DUOXA1: variants seen among roughly 807,000 people sequenced by gnomAD.
DUOXA1 encodes the protein dual oxidase activator 1.
DUOXA1 carries 19 observed loss-of-function variants against 26.6 expected under a neutral mutation model. The observed-to-expected ratio is 0.71, with a 90% CI of 0.50 to 1.05. The LOEUF (loss-of-function observed/expected upper bound fraction) is 1.05, where lower values mean the gene tolerates loss of function less well. Among genes scored for constraint, DUOXA1 ranks in the 50% least tolerant of loss-of-function variants. DUOXA1 has a pLI of 0.00. For missense variants in DUOXA1, 403 were observed against 427.5 expected (o/e 0.94, Z 0.51); for synonymous variants, 166 against 177.0 (o/e 0.94, Z 0.49).
chr15:45,119,067 C>A lies in DUOXA1; in HGVS notation c.*39G>T. On this transcript the variant is annotated 3_prime_UTR_variant, in exon 9 of 9. Coordinates refer to ENST00000560572, the MANE Select transcript of DUOXA1 (RefSeq NM_001276266.2). ...TATGGGGCGCCAATGAGGTTTGGAG[C>A]CAGACTGGAAGTCCAGGTGGCCTCC... The A allele has an allele frequency of 6.5e-7, 1 of 1,540,310 alleles. No individual in the cohort carries two copies. The highest frequency in any genetic ancestry group is 8.8e-7 in the Non-Finnish European group (1 of 1,136,944).
rs1486946764 is a variant in DUOXA1 at position 45,117,937 on chromosome 15, G to C, written c.*1169C>G. Reference sequence around the variant, plus strand: ...GGGACCCAATCTGGACTCCTTCCCCGCCTTGGGACATCGCAGGCCGGGAAG... The same window carrying C: ...GGGACCCAATCTGGACTCCTTCCCCCCCTTGGGACATCGCAGGCCGGGAAG... On this transcript the variant is annotated 3_prime_UTR_variant, in exon 9 of 9. Coordinates refer to ENST00000560572, the MANE Select transcript of DUOXA1 (RefSeq NM_001276266.2). The C allele has an allele frequency of 6.2e-7, 1 of 1,612,970 alleles. No individual in the cohort carries two copies. The highest frequency in any genetic ancestry group is 1.3e-5 in the African/African-American group (1 of 74,928).
rs1243157471 is a variant in DUOXA1, at chr15:45,120,318, A to G, written c.557T>C (p.Val186Ala). 5.6e-6 allele frequency: 9 copies of G among 1,613,812 alleles called. No homozygotes were observed. Among genetic ancestry groups the G allele is most frequent in the Non-Finnish European group, 7.6e-6 (9 of 1,179,994 alleles). The change falls in exon 8 of 9, where the codon GTG (valine) becomes GCG (alanine). Residue 186 changes from valine (V) to alanine (A), a missense_variant and splice_region_variant. Physicochemically the swap from Val to Ala is moderately conservative, Grantham distance 64 (BLOSUM62 0). Coordinates refer to ENST00000560572, the MANE Select transcript of DUOXA1 (RefSeq NM_001276266.2). ...AGHYTSAMLW[V>A]AFLCWLLANV... Reference sequence around the variant, plus strand: ...GGCCAGCAGCCAGCAGAGGAATGCCACCCTGGAGAGCCAGGACCCAGTGAG... The same window carrying G: ...GGCCAGCAGCCAGCAGAGGAATGCCGCCCTGGAGAGCCAGGACCCAGTGAG...
rs1894736372 is a variant in DUOXA1, at chr15:45,117,627, G to A, written c.*1479C>T. Reference sequence around the variant, plus strand: ...GCACTTTGGGAGGTCGAGGCAGGAAGGTCGTTTGAGGCCAGAGTTCGAGAC... The same window carrying A: ...GCACTTTGGGAGGTCGAGGCAGGAAAGTCGTTTGAGGCCAGAGTTCGAGAC... On this transcript the variant is annotated 3_prime_UTR_variant, in exon 9 of 9. Coordinates refer to ENST00000560572, the MANE Select transcript of DUOXA1 (RefSeq NM_001276266.2). 1.2e-6 allele frequency: 2 copies of A among 1,613,812 alleles called. No homozygotes were observed. Among genetic ancestry groups the A allele is most frequent in the Non-Finnish European group, 8.5e-7 (1 of 1,179,868 alleles).
intron 3 of DUOXA1, among the ~76,000 whole-genome samples, chr15:45,126,831 C>A (rs951013636): frequency 1.3e-5 from 2 of 152,232 alleles, no homozygotes; most frequent in African/African-American, 4.8e-5. Context: ...AAGGACTGGG[C>A]ACAAAGGGAT....
At position 45,121,197 on chromosome 15, in the gene DUOXA1, G is replaced by C; in HGVS notation, c.230C>G (p.Ser77Cys). The change falls in exon 6 of 9, where the codon TCT becomes TGT. Residue 77 changes from serine (S) to cysteine (C), a missense_variant. Transcript: ENST00000560572. ...ILAVNFSSEWSVGQVSTNTSY... is the reference protein window; with the variant it reads ...ILAVNFSSEWCVGQVSTNTSY... ...TGTGTTGGTGCTGACCTGGCCCACAGACCACTCAGAACTGAAATTCACAGC... is the reference window on the plus strand; with the variant it reads ...TGTGTTGGTGCTGACCTGGCCCACACACCACTCAGAACTGAAATTCACAGC... The C allele has an allele frequency of 6.2e-7, 1 of 1,614,202 alleles. No homozygotes were observed. The highest frequency in any genetic ancestry group is 8.5e-7 in the Non-Finnish European group (1 of 1,180,040).
At position 45,118,982 on chromosome 15, in the gene DUOXA1, G is replaced by T; in HGVS notation, c.*124C>A. On this transcript the variant is annotated 3_prime_UTR_variant, in exon 9 of 9. Transcript: ENST00000560572. ...ATATAGAGCCTCCTTTTTCTACTCC[G>T]TCTGTAGATTGGTGCTGGGTGTCTG... 2 of 1,449,392 alleles carry T rather than the reference G, an allele frequency of 1.4e-6. No individual in the cohort carries two copies. Among genetic ancestry groups the T allele is most frequent in the Non-Finnish European group, 9.1e-7 (1 of 1,101,840 alleles). 89.8% of individuals were successfully genotyped at this position (1,449,392 alleles called of 1,614,324 possible).
Position 45,120,740 on chromosome 15 carries a change from C to T in DUOXA1, c.406G>A (p.Glu136Lys), listed in dbSNP as rs1410220697. Residue 136 changes from glutamate to lysine, a missense_variant, in exon 7 of 9, where the codon GAG (glutamate) becomes AAG (lysine). Glu to Lys is a moderately conservative substitution (Grantham distance 56). Transcript: ENST00000560572. ...YNEEFTWRLG[E>K]NYAEEYAKAL... is the part of the protein sequence containing the mutation. The stretch of plus-strand genomic sequence containing the variant: ...TTTGCATACTCCTCAGCATAGTTCT[C>T]ACCCAGGCGCCAGGTGAACTCCTCG... 1.2e-6 allele frequency: 2 copies of T among 1,614,162 alleles called. No individual in the cohort carries two copies. Among genetic ancestry groups the T allele is most frequent in the Admixed American group, 1.7e-5 (1 of 60,026 alleles).
At chr15:45,125,232 T>C (rs934354104) in intron 3 of DUOXA1, among the ~76,000 whole-genome samples, 5 of 152,236 alleles carry the variant, frequency 3.3e-5, no homozygotes, top group Admixed American at 1.3e-4. Flanking sequence ...TCTTCTCTCC[T>C]ATTCTGCGAA....
chr15:45,120,801 G>T lies in DUOXA1; in HGVS notation c.345C>A (p.Thr115=). 1 of 1,614,024 alleles carries T rather than the reference G, an allele frequency of 6.2e-7. No individual in the cohort carries two copies. Among genetic ancestry groups the T allele is most frequent in the Non-Finnish European group, 8.5e-7 (1 of 1,179,978 alleles). ...TGGTCTCATTCAGCTGCTGCACGGG[G>T]GTCCCTAGGGCACAAGGCAGCTCTG... The part of the protein sequence containing the change: ...LGGVNITLTG[T]PVQQLNETIN... The change falls in exon 7 of 9, where the codon ACC becomes ACA. Residue 115 remains threonine, a synonymous_variant. Transcript: ENST00000560572.
chr15:45,117,418 C>T lies in DUOXA1; in HGVS notation c.*1688G>A. 2.0e-6 allele frequency: 3 copies of T among 1,518,198 alleles called. No homozygotes were observed. Among genetic ancestry groups the T allele is most frequent in the Non-Finnish European group, 2.7e-6 (3 of 1,128,088 alleles). 94.0% of individuals were successfully genotyped at this position (1,518,198 alleles called of 1,614,324 possible). A position where few individuals can be genotyped will look rare whatever the true frequency, so the allele number is the denominator to read the frequency against. ...CACATCTATTACCCTATTTGCCCCT[C>T]TCAATAGTTCGCAGAAACAGGCACT... is the stretch of plus-strand genomic sequence containing the variant. On this transcript the variant is annotated 3_prime_UTR_variant, in exon 9 of 9. Transcript: ENST00000560572.
chr15:45,124,687 T>G (rs963978828), intron 3 of DUOXA1, among the ~76,000 whole-genome samples: 3 of 152,084 alleles, frequency 2.0e-5, no homozygotes. Context: ...TTTTTAAGTT[T>G]TTTTTAGCAG....
chr15:45,118,902 A>G lies in DUOXA1; in HGVS notation c.*204T>C. 7.7e-7 allele frequency: 1 copy of G among 1,295,156 alleles called. No individual in the cohort carries two copies. Among genetic ancestry groups the G allele is most frequent in the Non-Finnish European group, 9.8e-7 (1 of 1,023,060 alleles). 80.2% of individuals were successfully genotyped at this position (1,295,156 alleles called of 1,614,324 possible). On this transcript the variant is annotated 3_prime_UTR_variant, in exon 9 of 9. Transcript: ENST00000560572. ...GGCAACAGGCTTTATGGACAGGCCCAGCATCTCTTCAGTCCCTTAGGGCTT... is the reference window on the plus strand; with the variant it reads ...GGCAACAGGCTTTATGGACAGGCCCGGCATCTCTTCAGTCCCTTAGGGCTT...
At chr15:45,123,151 G>A in intron 3 of DUOXA1, 108 bp from the exon 4 acceptor site, 2 of 1,145,636 alleles carry the variant, frequency 1.7e-6, no homozygotes, top group Non-Finnish European at 1.2e-6. Flanking sequence ...CTCTTCTCTG[G>A]AGCTCACATT....
intron 3 of DUOXA1, among the ~76,000 whole-genome samples, chr15:45,123,749 T>C (rs961532783): frequency 2.0e-5 from 3 of 152,230 alleles, no homozygotes; most frequent in Admixed American, 1.3e-4. Flanking sequence ...TTACCAACAA[T>C]GGCCCTTCTC....
At chr15:45,127,245 A>G (rs1444607391) in intron 3 of DUOXA1, among the ~76,000 whole-genome samples, 1 of 152,258 alleles carries the variant, frequency 6.6e-6, no homozygotes, top group African/African-American at 2.4e-5. Flanking sequence ...AGTATTTTTA[A>G]TATATGTGAA....
chr15:45,119,340 C>T lies in DUOXA1; in HGVS notation c.798G>A (p.Leu266=). The T allele has an allele frequency of 1.9e-6, 3 of 1,613,082 alleles. No homozygotes were observed. Among genetic ancestry groups the T allele is most frequent in the Non-Finnish European group, 2.5e-6 (3 of 1,179,360 alleles). The change falls in exon 9 of 9, where the codon CTG becomes CTA. Residue 266 remains leucine (L), a synonymous_variant. Transcript: ENST00000560572. The part of the protein sequence containing the change: ...TTGLLCVLLG[L]AMAVAHRMQP... Reference sequence around the variant, plus strand: ...GCATCCTGTGGGCCACCGCCATAGCCAGGCCCAGCAGCACACACAGCAGTC... The same window carrying T: ...GCATCCTGTGGGCCACCGCCATAGCTAGGCCCAGCAGCACACACAGCAGTC...
chr15:45,123,943 T>C (rs912596863), intron 3 of DUOXA1, among the ~76,000 whole-genome samples: 1 of 152,162 alleles, frequency 6.6e-6, no homozygotes, highest in Non-Finnish European at 1.5e-5. Context: ...CATGACACAC[T>C]ACTATTTTAG....
At chr15:45,121,478 A>G (rs1273046644) in intron 5 of DUOXA1, among the ~76,000 whole-genome samples, 1 of 152,186 alleles carries the variant, frequency 6.6e-6, no homozygotes, top group Non-Finnish European at 1.5e-5. Flanking sequence ...GGAAACATGA[A>G]CCAAAACCAT....
intron 3 of DUOXA1, among the ~76,000 whole-genome samples, chr15:45,126,803 T>G (rs1324764597): frequency 6.6e-6 from 1 of 152,236 alleles, no homozygotes; most frequent in Non-Finnish European, 1.5e-5. Context: ...ATTAACTGAG[T>G]GTCACCAATA....
Sources: gnomAD v4.1 joint callset for allele counts (sites outside exome capture counted in the v4.1 genomes callset) on GRCh38, gnomAD v4.1.1 for gene constraint, MANE v1.5 for transcripts, NCBI Gene and HGNC (gene_info 2026-07-23, HGNC 2026-07-21) for gene names.